Variants in TM2D1 observed in about 807,000 individuals in gnomAD.
The protein encoded by TM2D1 is TM2 domain-containing protein 1.
TM2D1 carries 15 observed loss-of-function variants against 28.4 expected under a neutral mutation model. The ratio of observed to expected loss-of-function variants is 0.53; its 90% CI spans 0.35 to 0.81. The LOEUF is 0.81. TM2D1 is among the 40% of genes least tolerant of loss of function. The pLI, the probability that TM2D1 is intolerant of heterozygous loss-of-function variation, is 0.01. For missense variants in TM2D1, 236 were observed against 254.9 expected, an observed-to-expected ratio of 0.93 and a Z score of 0.50; for synonymous variants, 93 against 96.2, an observed-to-expected ratio of 0.97 and a Z score of 0.20.
At chr1:61,710,339 T>C (rs962405001) in intron 2 of TM2D1, among the ~76,000 whole-genome samples, 1 of 146,532 alleles carries the variant, frequency 6.8e-6, no homozygotes, top group African/African-American at 2.5e-5. Flanking sequence ...GGTGAGAGGA[T>C]CACTTGGGCC....
chr1:61,700,186 A>G (rs1160910760), intron 4 of TM2D1: 21 of 1,536,652 alleles, frequency 1.4e-5, no homozygotes, highest in Non-Finnish European at 1.8e-5. Context: ...TCCATAAAAC[A>G]AAGATGATAA....
In TM2D1 at chr1:61,694,788, G is replaced by A; in HGVS notation, c.440-18C>T. 1 of 1,557,588 alleles carries A rather than the reference G, an allele frequency of 6.4e-7. No individual in the cohort carries two copies. The highest frequency in any genetic ancestry group is 8.7e-7 in the Non-Finnish European group (1 of 1,149,834). ...TAACAAACCTAGAAAAGAAGGTAAA[G>A]TCATTTATAATCTGGAAGGTCTTCT... On this transcript the variant is annotated intron_variant, in intron 4 of 6. Coordinates refer to ENST00000606498, the MANE Select transcript of TM2D1 (RefSeq NM_032027.3).
At chr1:61,712,838 T>TA (rs1644488315) in intron 2 of TM2D1, among the ~76,000 whole-genome samples, 1 of 152,180 alleles carries the variant, frequency 6.6e-6, no homozygotes, top group African/African-American at 2.4e-5. Context: ...AACTACTCTC[T>TA]AAAATTCCAC....
rs1644262058 is a variant in TM2D1, at chr1:61,683,415, A to G, written c.*19+2T>C. ...TATTACATATATATATATATCACTT[A>G]CTGTTTCTTTTAAAAAATATTTATG... On this transcript the variant is annotated splice_donor_variant, in intron 6 of 6. Coordinates refer to ENST00000606498, the MANE Select transcript of TM2D1 (RefSeq NM_032027.3). LOFTEE classifies it low-confidence loss of function (3UTR_SPLICE). The G allele has an allele frequency of 1.1e-6, 1 of 942,636 alleles. No homozygotes were observed. 58.4% of individuals were successfully genotyped at this position (942,636 alleles called of 1,614,324 possible).
intron 5 of TM2D1, chr1:61,686,853 T>C: frequency 1.0e-6 from 1 of 954,648 alleles, no homozygotes; most frequent in Non-Finnish European, 1.2e-6. Context: ...AACCCAGGAA[T>C]TCGAGGCTGC....
At chr1:61,716,832 T>C (rs1378833228) in intron 2 of TM2D1, among the ~76,000 whole-genome samples, 2 of 152,066 alleles carry the variant, frequency 1.3e-5, no homozygotes, top group South Asian at 4.1e-4. Flanking sequence ...ACTTGTTAAG[T>C]AAGCAAATTC....
intron 4 of TM2D1, among the ~76,000 whole-genome samples, chr1:61,695,171 G>T (rs1570102398): frequency 6.6e-6 from 1 of 151,640 alleles, no homozygotes; most frequent in South Asian, 2.1e-4. Context: ...TATACATTTG[G>T]AGAGTTAAAA....
chr1:61,720,009 T>G (rs1217270817), intron 2 of TM2D1, among the ~76,000 whole-genome samples: 1 of 152,252 alleles, frequency 6.6e-6, no homozygotes, highest in Non-Finnish European at 1.5e-5. Context: ...TTTCTTGATC[T>G]GGAAGCATTC....
chr1:61,703,115 A>G lies in TM2D1; in HGVS notation c.348-2090T>C, dbSNP rs755761517. On this transcript the variant is annotated intron_variant, in intron 3 of 6. Coordinates refer to ENST00000606498, the MANE Select transcript of TM2D1 (RefSeq NM_032027.3). ...AGCAAGACTGTCTCCAAAAAACAGA[A>G]AAAAGAACAAAAGAGAAAAAACAAA... is the stretch of plus-strand genomic sequence containing the variant. 5.3e-4 allele frequency among the ~76,000 whole-genome samples: 80 copies of G among 151,864 alleles called. 1 individual carries two copies. Among genetic ancestry groups the G allele is most frequent in the South Asian group, 1.5e-3 (7 of 4,804 alleles).
chr1:61,705,626 T>C (rs574713752), intron 3 of TM2D1, among the ~76,000 whole-genome samples: 1 of 152,274 alleles, frequency 6.6e-6, no homozygotes, highest in South Asian at 2.1e-4. Context: ...CATAAAATAC[T>C]CCTACAAAGG....
chr1:61,691,967 A>G (rs941087593), intron 5 of TM2D1, among the ~76,000 whole-genome samples: 4 of 141,954 alleles, frequency 2.8e-5, no homozygotes, highest in African/African-American at 7.5e-5. Flanking sequence ...ATATGTATAT[A>G]TATATGGCAC....
Position 61,700,285 on chromosome 1 carries a change from G to T in TM2D1, c.439+649C>A, listed in dbSNP as rs779486620. 6 of 1,467,212 alleles carry T rather than the reference G, an allele frequency of 4.1e-6. No homozygotes were observed. In the South Asian group the frequency reaches 7.2e-5, roughly 18 times the overall value. The allele number at this position is 1,467,212 out of a possible 1,614,324, so 90.9% of individuals were successfully genotyped here. A position where few individuals can be genotyped will look rare whatever the true frequency, so the allele number is the denominator to read the frequency against. On this transcript the variant is annotated intron_variant, in intron 4 of 6. Transcript: ENST00000606498. ...TGACAGTTTCCTTACCTGTTAAAGA[G>T]GATTTAAAGAGGATGATAAACTCAG... is the stretch of plus-strand genomic sequence containing the variant.
intron 5 of TM2D1, among the ~76,000 whole-genome samples, chr1:61,685,057 G>A (rs983143026): frequency 4.6e-5 from 7 of 152,240 alleles, no homozygotes; most frequent in African/African-American, 9.6e-5. Flanking sequence ...TGCCTGCTTC[G>A]GCCTCCCAAA....
intron 2 of TM2D1, among the ~76,000 whole-genome samples, chr1:61,717,084 C>CA (rs1644527503): frequency 1.3e-5 from 2 of 152,226 alleles, no homozygotes; most frequent in South Asian, 4.1e-4. Flanking sequence ...TGCAGTGGCT[C>CA]ACGCCTGGAA....
At chr1:61,698,144 A>T (rs1308772579) in intron 4 of TM2D1, 1 of 152,164 alleles carries the variant, frequency 6.6e-6, no homozygotes, top group Admixed American at 6.6e-5. Context: ...TCCCTACTGA[A>T]CATTTAGCCT....
intron 4 of TM2D1, chr1:61,699,957 T>C: frequency 2.0e-6 from 1 of 500,136 alleles, no homozygotes; most frequent in Non-Finnish European, 3.1e-6. Flanking sequence ...TTCTCTTTCA[T>C]CTTTTGTGGG....
intron 3 of TM2D1, among the ~76,000 whole-genome samples, chr1:61,704,774 A>C (rs1258640403): frequency 6.6e-6 from 1 of 152,062 alleles, no homozygotes. Flanking sequence ...TTAAGAAAGG[A>C]AACAGCCAGG....
At chr1:61,713,084 C>T (rs553471989) in intron 2 of TM2D1, among the ~76,000 whole-genome samples, 8 of 150,536 alleles carry the variant, frequency 5.3e-5, no homozygotes, top group African/African-American at 1.2e-4. Context: ...GCAGGAGGAT[C>T]GCTTGAACCC....
chr1:61,713,198 C>A (rs1644490978), intron 2 of TM2D1, among the ~76,000 whole-genome samples: 1 of 151,294 alleles, frequency 6.6e-6, no homozygotes, highest in Non-Finnish European at 1.5e-5. Flanking sequence ...AGAATCTAGG[C>A]CGGGTGCAGC....
Sources: allele counts gnomAD v4.1 joint callset (sites outside exome capture counted in the v4.1 genomes callset), GRCh38; gene constraint gnomAD v4.1.1; transcripts MANE v1.5; gene names NCBI Gene and HGNC (gene_info 2026-07-23, HGNC 2026-07-21).